TRDN: variants seen among roughly 807,000 people sequenced by gnomAD.
TRDN encodes triadin.
A neutral mutation model predicts 149.7 loss-of-function variants in TRDN; 161 were observed. The observed-to-expected ratio is 1.08, with a 90% confidence interval of 0.95 to 1.23. TRDN has a LOEUF of 1.23. TRDN is among the 50% of genes most tolerant of loss of function. TRDN has a pLI of 0.00. For synonymous variants in TRDN, 294 were observed against 250.5 expected, an observed-to-expected ratio of 1.17 and a Z score of -1.64; for missense variants, 896 against 823.5, an observed-to-expected ratio of 1.09 and a Z score of -1.08.
chr6:123,360,637 A>G (rs1430362131), intron 20 of TRDN, among the ~76,000 whole-genome samples: 1 of 151,910 alleles, frequency 6.6e-6, no homozygotes, highest in Non-Finnish European at 1.5e-5. Context: ...AGGCAGTGCT[A>G]GGATTCCAGC....
chr6:123,505,267 A>T (rs932372121), intron 7 of TRDN, among the ~76,000 whole-genome samples: 1 of 148,066 alleles, frequency 6.8e-6, no homozygotes, highest in African/African-American at 2.5e-5. Context: ...AAAAAAAAAA[A>T]AAAGAATTTA....
At chr6:123,439,108 C>A in intron 10 of TRDN, 105 bp from the exon 11 acceptor site, 1 of 786,808 alleles carries the variant, frequency 1.3e-6, no homozygotes, top group South Asian at 1.7e-5. Flanking sequence ...CTCCAGCTAG[C>A]TTTGTGACTG....
At chr6:123,222,940 A>G (rs927575934) in intron 39 of TRDN, among the ~76,000 whole-genome samples, 1 of 151,920 alleles carries the variant, frequency 6.6e-6, no homozygotes, top group African/African-American at 2.4e-5. Flanking sequence ...TCAAAACCAC[A>G]ATAAGATAAC....
At chr6:123,401,512 G>A (rs577043053) in intron 12 of TRDN, among the ~76,000 whole-genome samples, 1 of 152,272 alleles carries the variant, frequency 6.6e-6, no homozygotes, top group South Asian at 2.1e-4. Context: ...CTGGGAATAA[G>A]GCATCTATAT....
intron 27 of TRDN, among the ~76,000 whole-genome samples, chr6:123,274,273 T>G (rs1777299140): frequency 6.6e-6 from 1 of 152,122 alleles, no homozygotes; most frequent in African/African-American, 2.4e-5. Context: ...TATGATTTTA[T>G]AATTCTGGTA....
intron 38 of TRDN, among the ~76,000 whole-genome samples, chr6:123,232,518 GA>G (rs1775643710): frequency 6.6e-6 from 1 of 152,016 alleles, no homozygotes; most frequent in African/African-American, 2.4e-5. Context: ...ACAGCTCTGA[GA>G]AGCAGAAAGG....
intron 38 of TRDN, among the ~76,000 whole-genome samples, chr6:123,233,194 T>C (rs181381554): frequency 2.0e-5 from 3 of 152,056 alleles, no homozygotes; most frequent in Non-Finnish European, 4.4e-5. Context: ...CACATTTTCC[T>C]AAGAAATCTT....
intron 20 of TRDN, among the ~76,000 whole-genome samples, chr6:123,358,406 C>T (rs1780768155): frequency 6.6e-6 from 1 of 152,056 alleles, no homozygotes; most frequent in South Asian, 2.1e-4. Context: ...GACATCCCTC[C>T]CTTTTTTCTC....
intron 9 of TRDN, among the ~76,000 whole-genome samples, chr6:123,472,552 G>A (rs529919848): frequency 3.3e-4 from 51 of 152,306 alleles, no homozygotes; most frequent in Middle Eastern, 3.4e-3. Flanking sequence ...CAAAGCAGCC[G>A]GGAAGCTCGA....
chr6:123,532,874 AG>A (rs1272320409), intron 4 of TRDN, among the ~76,000 whole-genome samples: 1 of 151,910 alleles, frequency 6.6e-6, no homozygotes. Context: ...GGGGGAGCAA[AG>A]GACCTTTACA....
chr6:123,551,577 T>A (rs1781395045), intron 2 of TRDN, among the ~76,000 whole-genome samples: 2 of 152,072 alleles, frequency 1.3e-5, no homozygotes, highest in South Asian at 4.1e-4. Context: ...TATACATGAC[T>A]GTGAGAATCA....
At chr6:123,479,694 C>A (rs1032069788) in intron 9 of TRDN, among the ~76,000 whole-genome samples, 1 of 152,062 alleles carries the variant, frequency 6.6e-6, no homozygotes, top group Non-Finnish European at 1.5e-5. Context: ...CATTTGCAGG[C>A]ATTTTCAAAA....
intron 7 of TRDN, among the ~76,000 whole-genome samples, chr6:123,506,571 C>G (rs1033306303): frequency 2.6e-5 from 4 of 151,954 alleles, no homozygotes; most frequent in Non-Finnish European, 5.9e-5. Context: ...TCACTGCAAC[C>G]TCTGCCTCCC....
intron 38 of TRDN, among the ~76,000 whole-genome samples, chr6:123,241,082 A>G (rs886572381): frequency 6.6e-6 from 1 of 151,824 alleles, no homozygotes; most frequent in African/African-American, 2.4e-5. Flanking sequence ...TTATCATTTT[A>G]TAATTTACTT....
chr6:123,562,264 T>G (rs1782044054), intron 2 of TRDN, among the ~76,000 whole-genome samples: 1 of 152,206 alleles, frequency 6.6e-6, no homozygotes, highest in Admixed American at 6.5e-5. Flanking sequence ...CTTTTCAGAC[T>G]CAGCCCGCCT....
intron 38 of TRDN, among the ~76,000 whole-genome samples, chr6:123,250,609 A>AATC (rs975495976): frequency 2.6e-5 from 4 of 152,138 alleles, no homozygotes; most frequent in African/African-American, 9.7e-5. Context: ...CTTATTAAAC[A>AATC]ATCATTCCAT....
At chr6:123,343,302 A>G (rs2114262971) in intron 21 of TRDN, among the ~76,000 whole-genome samples, 1 of 152,066 alleles carries the variant, frequency 6.6e-6, no homozygotes, top group Non-Finnish European at 1.5e-5. Flanking sequence ...AAGATATAAT[A>G]CATTCTTTAT....
intron 20 of TRDN, among the ~76,000 whole-genome samples, chr6:123,356,518 TATATATATATATATATA>T (rs1457409243): frequency 5.7e-5 from 1 of 17,698 alleles, no homozygotes; most frequent in African/African-American, 1.7e-4. Flanking sequence ...TATATATATA[TATATATATATATATATA>T]TATATATATA....
At chr6:123,604,400 A>G (rs978084165) in intron 1 of TRDN, among the ~76,000 whole-genome samples, 2 of 152,258 alleles carry the variant, frequency 1.3e-5, no homozygotes, top group East Asian at 3.8e-4. Flanking sequence ...GGAAAAGGAT[A>G]AAGAGATAGG....
Sources: gnomAD v4.1 joint callset for allele counts (sites outside exome capture counted in the v4.1 genomes callset) on GRCh38, gnomAD v4.1.1 for gene constraint, MANE v1.5 for transcripts, NCBI Gene and HGNC (gene_info 2026-07-23, HGNC 2026-07-21) for gene names.